Variants in ACACA observed in about 807,000 individuals in gnomAD.
The protein encoded by ACACA is acetyl-CoA carboxylase alpha.
ACACA carries 103 observed loss-of-function variants against 296.1 expected under a neutral mutation model. The observed-to-expected ratio is 0.35, with a 90% CI of 0.30 to 0.41. The LOEUF is 0.41. Ranked by LOEUF, ACACA falls within the 10% of genes least tolerant of loss-of-function variation. The probability of loss-of-function intolerance (pLI) is 1.00; values close to 1 mark genes in which losing one functional copy is unlikely to be tolerated. For missense variants in ACACA, 1,554 were observed against 2,989.7 expected (o/e 0.52, Z 11.20); for synonymous variants, 953 against 1,038.6 (o/e 0.92, Z 1.58).
intron 1 of ACACA, among the ~76,000 whole-genome samples, chr17:37,349,079 G>A (rs2048767552): frequency 6.7e-6 from 1 of 150,370 alleles, no homozygotes; most frequent in African/African-American, 2.4e-5. Flanking sequence ...ATTATTTTTT[G>A]AGATGGAGTC....
chr17:37,271,934 T>C (rs2082089977), intron 9 of ACACA, among the ~76,000 whole-genome samples: 1 of 152,226 alleles, frequency 6.6e-6, no homozygotes, highest in Non-Finnish European at 1.5e-5. Context: ...ATCGTGCCAA[T>C]GCATTCCAGC....
At chr17:37,284,249 C>T (rs1365857376) in intron 4 of ACACA, among the ~76,000 whole-genome samples, 1 of 152,172 alleles carries the variant, frequency 6.6e-6, no homozygotes, top group African/African-American at 2.4e-5. Context: ...TGAAACATCT[C>T]AAATACTTGG....
chr17:37,242,156 G>T, intron 22 of ACACA, 103 bp from the exon 23 acceptor site: 1 of 875,498 alleles, frequency 1.1e-6, no homozygotes, highest in Non-Finnish European at 1.9e-6. Context: ...CTTATAACAT[G>T]GCAGTTCCTA....
intron 3 of ACACA, chr17:37,289,572 T>C (rs1210932946): frequency 8.5e-7 from 1 of 1,173,092 alleles, no homozygotes; most frequent in Non-Finnish European, 1.2e-6. Context: ...CTAGGACTGA[T>C]CTTCTTAGGA....
At chr17:37,179,682 T>C (rs796711536) in intron 40 of ACACA, among the ~76,000 whole-genome samples, 7 of 152,132 alleles carry the variant, frequency 4.6e-5, no homozygotes, top group African/African-American at 1.7e-4. Flanking sequence ...CCTAACACTA[T>C]CCTAGGAATA....
intron 42 of ACACA, among the ~76,000 whole-genome samples, chr17:37,156,826 A>T (rs1279848556): frequency 6.6e-6 from 1 of 152,226 alleles, no homozygotes; most frequent in South Asian, 2.1e-4. Flanking sequence ...AACTCAATAA[A>T]TGTATGTCCC....
intron 47 of ACACA, among the ~76,000 whole-genome samples, chr17:37,126,030 T>G (rs1458687825): frequency 6.6e-6 from 1 of 152,222 alleles, no homozygotes; most frequent in African/African-American, 2.4e-5. Flanking sequence ...AAAGCATCAT[T>G]TATTGTTAAA....
At chr17:37,207,314 T>A (rs2078549375) in intron 31 of ACACA, among the ~76,000 whole-genome samples, 2 of 152,202 alleles carry the variant, frequency 1.3e-5, no homozygotes. Flanking sequence ...AGATGTATTG[T>A]CTCTTGTGGG....
intron 43 of ACACA, among the ~76,000 whole-genome samples, chr17:37,151,881 C>T (rs951663574): frequency 2.6e-5 from 4 of 152,046 alleles, no homozygotes; most frequent in African/African-American, 7.2e-5. Flanking sequence ...AGGATGGTCT[C>T]GATCTCCTGA....
At chr17:37,092,705 C>G (rs893362614) in intron 54 of ACACA, among the ~76,000 whole-genome samples, 1 of 152,142 alleles carries the variant, frequency 6.6e-6, no homozygotes, top group Non-Finnish European at 1.5e-5. Context: ...GATTACTATA[C>G]CCTACTAATA....
At chr17:37,247,179 T>G (rs1390851901) in intron 18 of ACACA, among the ~76,000 whole-genome samples, 1 of 152,128 alleles carries the variant, frequency 6.6e-6, no homozygotes, top group Non-Finnish European at 1.5e-5. Context: ...AGTATAATCA[T>G]ATAATGGAAT....
chr17:37,379,160 A>G (rs1429004979), intron 1 of ACACA: 2 of 1,613,800 alleles, frequency 1.2e-6, no homozygotes, highest in Non-Finnish European at 1.7e-6. Flanking sequence ...AACCAAAAGG[A>G]CAACATTCAT....
chr17:37,386,155 TA>T, intron 1 of ACACA: 1 of 1,401,392 alleles, frequency 7.1e-7, no homozygotes, highest in Non-Finnish European at 9.9e-7. Flanking sequence ...AATGACAAAG[TA>T]CAGAATAAGT....
chr17:37,222,916 A>T (rs1175294001), intron 28 of ACACA, among the ~76,000 whole-genome samples: 1 of 152,246 alleles, frequency 6.6e-6, no homozygotes, highest in African/African-American at 2.4e-5. Context: ...GATTAGCCTG[A>T]GTTCAAATGC....
At chr17:37,301,365 C>T in intron 3 of ACACA, 1 of 985,210 alleles carries the variant, frequency 1.0e-6, no homozygotes, top group Non-Finnish European at 1.2e-6. Flanking sequence ...GAACAGTGTC[C>T]AACGTAGACA....
At chr17:37,346,616 G>A (rs1597664631) in intron 1 of ACACA, among the ~76,000 whole-genome samples, 1 of 150,418 alleles carries the variant, frequency 6.6e-6, no homozygotes, top group South Asian at 2.1e-4. Flanking sequence ...GCAGGAGAAT[G>A]GCGTGAACCT....
intron 42 of ACACA, among the ~76,000 whole-genome samples, chr17:37,157,595 G>A (rs2076303573): frequency 6.8e-6 from 1 of 146,670 alleles, no homozygotes; most frequent in Non-Finnish European, 1.5e-5. Flanking sequence ...GAGTGCAGTG[G>A]TGCGATCTTG....
chr17:37,240,491 T>C lies in ACACA; in HGVS notation c.3106A>G (p.Thr1036Ala). Reference sequence around the variant, plus strand: ...AGAGGCTTACCATTCTGGAATTGTGTCTCTACTCGCAGGTACTGCCGGAGC... The same window carrying C: ...AGAGGCTTACCATTCTGGAATTGTGCCTCTACTCGCAGGTACTGCCGGAGC... Reference protein sequence around the residue: ...DLLRQYLRVETQFQNGHYDKC... With the variant: ...DLLRQYLRVEAQFQNGHYDKC... The change falls in exon 24 of 56, where the codon ACA becomes GCA. Residue 1036 changes from threonine (T) to alanine (A), a missense_variant. Physicochemically the swap from Thr to Ala is moderately conservative, Grantham distance 58. Around this residue, in one of 16 missense-constraint regions of ACACA, gnomAD observed 316 missense variants for 540.9 expected, o/e 0.58. Coordinates refer to ENST00000616317, the MANE Select transcript of ACACA (RefSeq NM_198834.3). 2 of 1,613,760 alleles carry C rather than the reference T, an allele frequency of 1.2e-6. No homozygotes were observed.
intron 1 of ACACA, among the ~76,000 whole-genome samples, chr17:37,372,750 G>A (rs1159707985): frequency 6.6e-6 from 1 of 152,142 alleles, no homozygotes; most frequent in Non-Finnish European, 1.5e-5. Context: ...GGGAAAAGGA[G>A]ATCAGAAGAG....
Sources: allele counts gnomAD v4.1 joint callset (sites outside exome capture counted in the v4.1 genomes callset), GRCh38; gene constraint gnomAD v4.1.1; regional missense constraint gnomAD v4.1.1; transcripts MANE v1.5; gene names NCBI Gene and HGNC (gene_info 2026-07-23, HGNC 2026-07-21).